ROBO1: variants seen among roughly 807,000 people sequenced by gnomAD.
ROBO1 encodes roundabout homolog 1.
Under a neutral mutation model 195.9 loss-of-function variants are expected in ROBO1, and 149 were observed. That is an observed-to-expected ratio of 0.76 (90% CI 0.67 to 0.87). ROBO1 has a LOEUF of 0.87. Among genes scored for constraint, ROBO1 ranks in the 40% least tolerant of loss-of-function variants. The pLI is 0.00. For missense variants in ROBO1, 1,933 were observed against 2,068.3 expected (o/e 0.93, Z 1.27); for synonymous variants, 816 against 733.2 (o/e 1.11, Z -1.82).
chr3:79,423,058 A>G (rs1330349535), intron 2 of ROBO1, among the ~76,000 whole-genome samples: 1 of 152,138 alleles, frequency 6.6e-6, no homozygotes, highest in African/African-American at 2.4e-5. Flanking sequence ...ATCCTGAAAT[A>G]AACATGGATT....
intron 2 of ROBO1, among the ~76,000 whole-genome samples, chr3:79,260,727 G>A (rs1161576452): frequency 6.6e-6 from 1 of 152,064 alleles, no homozygotes; most frequent in African/African-American, 2.4e-5. Context: ...GCTGTCTTCT[G>A]CTCAATTGTA....
At chr3:79,348,911 A>G (rs916917702) in intron 2 of ROBO1, among the ~76,000 whole-genome samples, 7 of 152,236 alleles carry the variant, frequency 4.6e-5, no homozygotes, top group Non-Finnish European at 7.3e-5. Context: ...TAGTGCAATG[A>G]AAACGCGAAA....
chr3:79,695,434 A>C (rs1947415748), intron 1 of ROBO1, among the ~76,000 whole-genome samples: 2 of 151,572 alleles, frequency 1.3e-5, no homozygotes, highest in African/African-American at 4.8e-5. Flanking sequence ...ATTTTGATTT[A>C]ATTACACTAA....
chr3:78,624,482 T>C (rs2107457817), intron 26 of ROBO1, among the ~76,000 whole-genome samples: 1 of 152,234 alleles, frequency 6.6e-6, no homozygotes, highest in South Asian at 2.1e-4. Flanking sequence ...CTGAAAATAG[T>C]CAAATTGATT....
At chr3:79,428,481 TATC>T (rs936469054) in intron 2 of ROBO1, among the ~76,000 whole-genome samples, 2 of 152,154 alleles carry the variant, frequency 1.3e-5, no homozygotes, top group East Asian at 3.9e-4. Context: ...CACCCATTGT[TATC>T]ATCCTCATTA....
At chr3:79,257,020 T>G (rs1334089178) in intron 2 of ROBO1, among the ~76,000 whole-genome samples, 1 of 152,162 alleles carries the variant, frequency 6.6e-6, no homozygotes, top group Non-Finnish European at 1.5e-5. Context: ...TCACAACTGG[T>G]CTTTCCATAA....
intron 2 of ROBO1, among the ~76,000 whole-genome samples, chr3:79,489,989 G>C (rs1331699381): frequency 1.3e-5 from 2 of 152,186 alleles, no homozygotes; most frequent in African/African-American, 4.8e-5. Context: ...ATCTTTGAAA[G>C]AGACTCCTTT....
chr3:79,615,584 T>C (rs893410496), intron 1 of ROBO1, among the ~76,000 whole-genome samples: 3 of 152,108 alleles, frequency 2.0e-5, no homozygotes, highest in African/African-American at 7.2e-5. Context: ...GCTAAAAATA[T>C]AGATTAATCA....
intron 4 of ROBO1, among the ~76,000 whole-genome samples, chr3:78,794,851 G>A (rs927823098): frequency 2.7e-5 from 4 of 149,164 alleles, no homozygotes; most frequent in African/African-American, 9.9e-5. Flanking sequence ...CAAAATGCTG[G>A]GATTACATGT....
intron 2 of ROBO1, among the ~76,000 whole-genome samples, chr3:79,367,613 A>G (rs1345925528): frequency 1.3e-5 from 2 of 152,194 alleles, no homozygotes; most frequent in African/African-American, 4.8e-5. Context: ...TTTTCCATCT[A>G]TAAAACATGG....
intron 3 of ROBO1, among the ~76,000 whole-genome samples, chr3:79,019,710 C>G (rs113372048): frequency 2.6e-5 from 4 of 152,192 alleles, no homozygotes; most frequent in African/African-American, 9.6e-5. Flanking sequence ...TTTCTCTCGC[C>G]ACCCCTAGCT....
rs996688275 is a variant in ROBO1 at position 79,253,524 on chromosome 3, G to C, written c.89-127985C>G. On this transcript the variant is annotated intron_variant, in intron 2 of 30. Transcript: ENST00000464233. ...CTAGACTTCTGGCTGTTTTGGCTTCGTGAGCAAATAGTGGGTGCCTACTTA... is the reference window on the plus strand; with the variant it reads ...CTAGACTTCTGGCTGTTTTGGCTTCCTGAGCAAATAGTGGGTGCCTACTTA... 2.0e-5 allele frequency among the ~76,000 whole-genome samples: 3 copies of C among 152,286 alleles called. No individual in the cohort carries two copies. The South Asian group carries it at 6.2e-4, about 32-fold the overall frequency.
At chr3:79,092,429 G>A (rs763382221) in intron 3 of ROBO1, among the ~76,000 whole-genome samples, 8 of 152,024 alleles carry the variant, frequency 5.3e-5, no homozygotes, top group African/African-American at 4.8e-5. Context: ...ACTGGTCTGT[G>A]TTTAAGTGAA....
At chr3:79,406,780 T>C (rs2037566712) in intron 2 of ROBO1, among the ~76,000 whole-genome samples, 1 of 152,192 alleles carries the variant, frequency 6.6e-6, no homozygotes. Flanking sequence ...ATTAGAGTTA[T>C]GTTGATGTGA....
intron 2 of ROBO1, among the ~76,000 whole-genome samples, chr3:79,392,464 C>A (rs887935728): frequency 6.6e-6 from 1 of 151,970 alleles, no homozygotes; most frequent in Non-Finnish European, 1.5e-5. Flanking sequence ...AATGTCAAGG[C>A]AGGAATGATA....
intron 4 of ROBO1, among the ~76,000 whole-genome samples, chr3:78,868,635 G>A (rs9845857): frequency 0.052 from 7,906 of 152,104 alleles, 506 homozygotes; most frequent in African/African-American, 0.15. Context: ...GTTAAAATCC[G>A]CATGCTAAAA....
intron 2 of ROBO1, among the ~76,000 whole-genome samples, chr3:79,363,494 A>G (rs2035851210): frequency 6.6e-6 from 1 of 152,220 alleles, no homozygotes; most frequent in East Asian, 1.9e-4. Flanking sequence ...TGTATTACAC[A>G]TCATAATTTA....
intron 3 of ROBO1, among the ~76,000 whole-genome samples, chr3:79,067,351 CCA>C (rs1241252075): frequency 6.6e-6 from 1 of 151,758 alleles, no homozygotes; most frequent in Non-Finnish European, 1.5e-5. Flanking sequence ...GGTAAATTTC[CCA>C]CAGGGAAAAT....
intron 2 of ROBO1, among the ~76,000 whole-genome samples, chr3:79,485,440 A>G (rs113367090): frequency 0.011 from 1,653 of 152,270 alleles, 25 homozygotes; most frequent in Middle Eastern, 0.041. Context: ...TAAAATAAAA[A>G]CCATACATAG....
Sources: gnomAD v4.1 joint callset for allele counts (sites outside exome capture counted in the v4.1 genomes callset) on GRCh38, gnomAD v4.1.1 for gene constraint, MANE v1.5 for transcripts, NCBI Gene and HGNC (gene_info 2026-07-23, HGNC 2026-07-21) for gene names.